The following ZAR1L variants were observed in gnomAD, a reference collection of about 807,000 sequenced individuals.
The protein encoded by ZAR1L is protein ZAR1-like.
ZAR1L carries 16 observed loss-of-function variants against 30.0 expected under a neutral mutation model. The observed-to-expected ratio is 0.53, with a 90% CI of 0.36 to 0.81. The LOEUF (loss-of-function observed/expected upper bound fraction) is 0.81, where lower values mean the gene tolerates loss of function less well. ZAR1L is among the 30% of genes least tolerant of loss of function. ZAR1L has a pLI of 0.00. For missense variants in ZAR1L, 392 were observed against 417.2 expected, an observed-to-expected ratio of 0.94 and a Z score of 0.53; for synonymous variants, 197 against 166.8, an observed-to-expected ratio of 1.18 and a Z score of -1.40.
intron 5 of ZAR1L, among the ~76,000 whole-genome samples, chr13:32,306,804 G>T (rs1442201035): frequency 2.0e-5 from 3 of 152,042 alleles, no homozygotes; most frequent in Non-Finnish European, 4.4e-5. Context: ...GGTGGCATGT[G>T]CCTGTAATCC....
chr13:32,307,313 A>G (rs1266647886), intron 5 of ZAR1L, among the ~76,000 whole-genome samples: 4 of 151,944 alleles, frequency 2.6e-5, no homozygotes, highest in African/African-American at 9.7e-5. Flanking sequence ...AGCCTGGCCA[A>G]CATAGTGAAA....
chr13:32,313,761 T>C (rs971189326), intron 2 of ZAR1L, among the ~76,000 whole-genome samples: 1 of 152,166 alleles, frequency 6.6e-6, no homozygotes, highest in Non-Finnish European at 1.5e-5. Context: ...GGTGAGAAAG[T>C]CTATTATGGT....
chr13:32,309,108 A>G (rs74762519), intron 4 of ZAR1L, among the ~76,000 whole-genome samples: 7,811 of 151,400 alleles, frequency 0.052, 270 homozygotes, highest in East Asian at 0.12. Flanking sequence ...CTCCTGCCTC[A>G]GCCTCCTGAG....
chr13:32,308,332 C>T (rs1015988733), intron 5 of ZAR1L, among the ~76,000 whole-genome samples: 1 of 152,152 alleles, frequency 6.6e-6, no homozygotes, highest in Non-Finnish European at 1.5e-5. Context: ...ACATCTCCCA[C>T]AAAGATTAGA....
At chr13:32,310,514 A>T (rs1236032383) in intron 4 of ZAR1L, 125 bp downstream of exon 4, 3 of 684,914 alleles carry the variant, frequency 4.4e-6, no homozygotes, top group Non-Finnish European at 7.6e-6. Context: ...TACACCTGGC[A>T]CGGGGGATGC....
In ZAR1L at chr13:32,303,887, C is replaced by A; in HGVS notation, c.958G>T (p.Val320Leu). Reference sequence around the variant, plus strand: ...AAGTCACACTGTACAAGTCACATCACATATTTAAAGCTGTAAATATTGCCA... The same window carrying A: ...AAGTCACACTGTACAAGTCACATCAAATATTTAAAGCTGTAAATATTGCCA... ...SCGNIYSFKY[V>L]M is the part of the protein sequence containing the mutation. The change falls in exon 6 of 6, where the codon GTG (valine) becomes TTG (leucine). Residue 320 changes from valine (V) to leucine (L), a missense_variant. Physicochemically the swap from Val to Leu is conservative, Grantham distance 32. Coordinates refer to ENST00000533490, the MANE Select transcript of ZAR1L (RefSeq NM_001136571.2). 2.6e-6 allele frequency: 4 copies of A among 1,551,666 alleles called. No homozygotes were observed. The highest frequency in any genetic ancestry group is 3.5e-6 in the Non-Finnish European group (4 of 1,146,960).
rs2072204461 is a variant in ZAR1L, at chr13:32,310,495, C to T, written c.747+144G>A. 3 of 625,580 alleles carry T rather than the reference C, an allele frequency of 4.8e-6. No individual in the cohort carries two copies. In the South Asian group the frequency reaches 6.2e-5, roughly 13 times the overall value. The allele number at this position is 625,580 out of a possible 1,614,324, so 38.8% of individuals were successfully genotyped here. A position where few individuals can be genotyped will look rare whatever the true frequency, so the allele number is the denominator to read the frequency against. On this transcript the variant is annotated intron_variant, in intron 4 of 5. Transcript: ENST00000533490. ...GATTCAGTTCCATTCATTCACTGAG[C>T]ACTTCCTGTACACCTGGCACGGGGG...
At position 32,311,887 on chromosome 13, in the gene ZAR1L, C is replaced by G. The variant is rs1222753127; in HGVS notation, c.39G>C (p.Gln13His). ...RFVRVPYGLY[Q>H]GYGSTVPLGQ... ...CCAAAGGCACTGTGCTCCCATAACC[C>G]TGGTACAAGCCATAGGGAACACGGA... The change falls in exon 3 of 6, where the codon CAG (glutamine) becomes CAC (histidine). Residue 13 changes from glutamine to histidine, a missense_variant. Physicochemically the swap from Gln to His is conservative, Grantham distance 24 (BLOSUM62 0). Transcript: ENST00000533490. The G allele has an allele frequency of 6.4e-7, 1 of 1,551,460 alleles. No homozygotes were observed.
chr13:32,305,384 A>G (rs562503101), intron 5 of ZAR1L, among the ~76,000 whole-genome samples: 69 of 150,936 alleles, frequency 4.6e-4, no homozygotes, highest in Non-Finnish European at 6.5e-4. Context: ...CTGCCACTGC[A>G]CCCGGCTAAT....
Position 32,311,338 on chromosome 13 carries a change from C to T in ZAR1L, c.588G>A (p.Gln196=). The T allele has an allele frequency of 6.4e-7, 1 of 1,551,042 alleles. No individual in the cohort carries two copies. Among genetic ancestry groups the T allele is most frequent in the African/African-American group, 1.4e-5 (1 of 73,176 alleles). ...CAGGCACCTGCTTGCTCTTCGTCTCCTGAGGGCACGGGGCGTCTTTCTCCC... is the reference window on the plus strand; with the variant it reads ...CAGGCACCTGCTTGCTCTTCGTCTCTTGAGGGCACGGGGCGTCTTTCTCCC... ...ESGEKDAPCP[Q]ETKSKQVPGD... Residue 196 remains glutamine, a synonymous_variant, in exon 3 of 6, where the codon CAG becomes CAA. Transcript: ENST00000533490.
intron 5 of ZAR1L, among the ~76,000 whole-genome samples, chr13:32,304,374 C>G (rs1453600711): frequency 6.6e-6 from 1 of 152,126 alleles, no homozygotes; most frequent in East Asian, 1.9e-4. Flanking sequence ...AAAAATAAGT[C>G]AAGAGTTTTA....
chr13:32,312,716 A>G (rs2072223333), intron 2 of ZAR1L, among the ~76,000 whole-genome samples: 1 of 152,130 alleles, frequency 6.6e-6, no homozygotes, highest in African/African-American at 2.4e-5. Context: ...TGCCTCTAAT[A>G]AAAATACAAA....
At position 32,311,802 on chromosome 13, in the gene ZAR1L, T is replaced by G. The variant is rs780023491; in HGVS notation, c.124A>C (p.Thr42Pro). 2.1e-4 allele frequency: 320 copies of G among 1,551,456 alleles called. No individual in the cohort carries two copies. Among genetic ancestry groups the G allele is most frequent in the Non-Finnish European group, 2.5e-4 (284 of 1,147,002 alleles). ...PDWRQNMGPP[T>P]FLARPGLLVP... ...AGCAGCCCTGGCCTGGCCAGAAAAG[T>G]GGGAGGACCCATATTTTGCCTCCAG... is the stretch of plus-strand genomic sequence containing the variant. Residue 42 changes from threonine to proline, a missense_variant, in exon 3 of 6, where the codon ACT becomes CCT. Coordinates refer to ENST00000533490, the MANE Select transcript of ZAR1L (RefSeq NM_001136571.2).
At chr13:32,304,826 T>TTTTG (rs1388906843) in intron 5 of ZAR1L, among the ~76,000 whole-genome samples, 9 of 150,494 alleles carry the variant, frequency 6.0e-5, no homozygotes, top group Non-Finnish European at 1.3e-4. Context: ...TTTTTTTTTT[T>TTTTG]GAAATGGAGT....
chr13:32,310,958 G>A (rs2072207964), intron 3 of ZAR1L, among the ~76,000 whole-genome samples: 1 of 151,782 alleles, frequency 6.6e-6, no homozygotes, highest in Non-Finnish European at 1.5e-5. Flanking sequence ...CAATGCTACC[G>A]GCACAATCTT....
At chr13:32,310,050 G>A (rs1196700852) in intron 4 of ZAR1L, among the ~76,000 whole-genome samples, 1 of 152,242 alleles carries the variant, frequency 6.6e-6, no homozygotes, top group Non-Finnish European at 1.5e-5. Flanking sequence ...GGTGCACAGG[G>A]CAAGGAAAAG....
intron 5 of ZAR1L, among the ~76,000 whole-genome samples, chr13:32,305,288 G>T (rs375526765): frequency 6.6e-6 from 1 of 151,478 alleles, no homozygotes; most frequent in Non-Finnish European, 1.5e-5. Context: ...CTGCAGTGGC[G>T]CTATCTTGGC....
intron 3 of ZAR1L, 93 bp from the exon 4 acceptor site, chr13:32,310,824 T>A: frequency 1.3e-6 from 1 of 790,662 alleles, no homozygotes; most frequent in Admixed American, 2.3e-5. Flanking sequence ...AAAAAATGAC[T>A]TCTTTAACCT....
rs915811918 is a variant in ZAR1L, at chr13:32,311,890, G to A, written c.36C>T (p.Tyr12=). The A allele has an allele frequency of 1.0e-5, 16 of 1,551,434 alleles. No individual in the cohort carries two copies. The East Asian group carries it at 3.7e-4, about 36-fold the overall frequency. ...AAGGCACTGTGCTCCCATAACCCTG[G>A]TACAAGCCATAGGGAACACGGACAA... The part of the protein sequence containing the change: ...ERFVRVPYGL[Y]QGYGSTVPLG... The change falls in exon 3 of 6, where the codon TAC becomes TAT. Residue 12 remains tyrosine (Y), a synonymous_variant. Transcript: ENST00000533490.
Sources: gnomAD v4.1 joint callset for allele counts (sites outside exome capture counted in the v4.1 genomes callset) on GRCh38, gnomAD v4.1.1 for gene constraint, MANE v1.5 for transcripts, NCBI Gene and HGNC (gene_info 2026-07-23, HGNC 2026-07-21) for gene names.